The following RP1 variants were observed in gnomAD, a reference collection of about 807,000 sequenced individuals.
The protein encoded by RP1 is RP1 axonemal microtubule associated.
A neutral mutation model predicts 14.8 loss-of-function variants in RP1; 16 were observed. The observed-to-expected ratio is 1.08, with a 90% CI of 0.73 to 1.65. The LOEUF (loss-of-function observed/expected upper bound fraction) is 1.65, where lower values mean the gene tolerates loss of function less well. Among genes scored for constraint, RP1 ranks in the 40% most tolerant of loss-of-function variants. RP1 has a pLI of 0.00. For missense variants in RP1, 2,631 were observed against 2,535.0 expected, an observed-to-expected ratio of 1.04 and a Z score of -0.81; for synonymous variants, 876 against 883.6, an observed-to-expected ratio of 0.99 and a Z score of 0.15.
At chr8:54,843,687 G>T (rs1456189791) in intron 25 of RP1, among the ~76,000 whole-genome samples, 4 of 152,146 alleles carry the variant, frequency 2.6e-5, no homozygotes, top group African/African-American at 7.2e-5. Context: ...CAGCCTAGGG[G>T]TTTATCTTCG....
At chr8:54,853,780 AAGAGAAAGAAAGAGAG>A (rs1163865398) in intron 26 of RP1, among the ~76,000 whole-genome samples, 9 of 76,116 alleles carry the variant, frequency 1.2e-4, no homozygotes, top group African/African-American at 6.5e-4. Context: ...GAAAGGAAGG[AAGAGAAAGAAAGAGAG>A]AGAGAAAGAA....
intron 27 of RP1, among the ~76,000 whole-genome samples, chr8:54,861,604 T>C (rs765568682): frequency 2.4e-4 from 36 of 152,322 alleles, no homozygotes; most frequent in Non-Finnish European, 3.8e-4. Flanking sequence ...TTTTTTTCTT[T>C]TCTTTTCTTT....
At chr8:54,563,522 A>ATT (rs1335674154) in intron 1 of RP1, among the ~76,000 whole-genome samples, 2 of 60,380 alleles carry the variant, frequency 3.3e-5, no homozygotes, top group African/African-American at 9.0e-5. Flanking sequence ...TATTATTACT[A>ATT]TTTGTGTGTG....
chr8:54,572,555 T>C (rs1446425968), intron 1 of RP1, among the ~76,000 whole-genome samples: 1 of 152,244 alleles, frequency 6.6e-6, no homozygotes, highest in East Asian at 1.9e-4. Context: ...TATGTGGTTC[T>C]TTTCGTGTTG....
intron 28 of RP1, among the ~76,000 whole-genome samples, chr8:54,869,244 C>A (rs1366803279): frequency 6.6e-6 from 1 of 152,146 alleles, no homozygotes; most frequent in Non-Finnish European, 1.5e-5. Context: ...GAGCCACAAG[C>A]CACATATGTC....
intron 14 of RP1, among the ~76,000 whole-genome samples, chr8:54,704,343 T>C (rs886790938): frequency 5.9e-5 from 9 of 152,132 alleles, no homozygotes; most frequent in African/African-American, 2.2e-4. Flanking sequence ...GAGAGAGAGA[T>C]AGGGGAATGA....
intron 24 of RP1, among the ~76,000 whole-genome samples, chr8:54,801,220 G>T (rs1291081630): frequency 6.6e-6 from 1 of 152,076 alleles, no homozygotes; most frequent in Non-Finnish European, 1.5e-5. Flanking sequence ...GGCTCTTCTG[G>T]TTTGTCTGTT....
intron 26 of RP1, among the ~76,000 whole-genome samples, chr8:54,853,004 A>G (rs1273897803): frequency 1.3e-5 from 2 of 152,246 alleles, no homozygotes; most frequent in African/African-American, 4.8e-5. Context: ...ACATTTGATA[A>G]AACATCTTTT....
downstream of RP1, among the ~76,000 whole-genome samples, chr8:54,774,253 G>T (rs937517345): frequency 4.6e-5 from 7 of 152,254 alleles, no homozygotes; most frequent in Admixed American, 4.6e-4. Context: ...AAGACACACC[G>T]TGGCACCGGG....
intron 24 of RP1, among the ~76,000 whole-genome samples, chr8:54,831,401 C>CTTTTTTTTTTT (rs368455444): frequency 1.9e-4 from 19 of 102,638 alleles, no homozygotes; most frequent in East Asian, 5.9e-4. Flanking sequence ...CCTATTGTTT[C>CTTTTTTTTTTT]TTTTTTTTTT....
chr8:54,627,157 A>G lies in RP1; in HGVS notation c.3275A>G (p.Gln1092Arg). ...LLPVLMLHQL[Q>R]ASVPGIHKTQ... ...CCAGTCCTGATGCTTCACCAATTGC[A>G]AGCTTCAGTTCCTGGTATTCACAAG... The change falls in exon 4 of 4, where the codon CAA becomes CGA. Residue 1092 changes from glutamine to arginine, a missense_variant. Coordinates refer to ENST00000220676, the MANE Select transcript of RP1 (RefSeq NM_006269.2). 1 of 1,614,070 alleles carries G rather than the reference A, an allele frequency of 6.2e-7. No individual in the cohort carries two copies. Among genetic ancestry groups the G allele is most frequent in the Non-Finnish European group, 8.5e-7 (1 of 1,179,996 alleles).
chr8:54,626,267 C>T lies in RP1; in HGVS notation c.2385C>T (p.Ile795=), dbSNP rs184739468. 2.5e-4 allele frequency: 409 copies of T among 1,613,080 alleles called. No individual in the cohort carries two copies. In the African/African-American group the frequency reaches 3.0e-3, roughly 12 times the overall value. Residue 795 remains isoleucine, a synonymous_variant, in exon 4 of 4, where the codon ATC becomes ATT. Transcript: ENST00000220676. The part of the protein sequence containing the change: ...ISLGAPKKRE[I]GQRDKVFPHN... ...TAGGAGCACCTAAAAAAAGAGAAAT[C>T]GGTCAAAGAGATAAAGTGTTTCCTC... is the stretch of plus-strand genomic sequence containing the variant.
Position 54,629,419 on chromosome 8 carries a change from G to T in RP1, c.5537G>T (p.Arg1846Ile). 2 of 1,614,134 alleles carry T rather than the reference G, an allele frequency of 1.2e-6. No homozygotes were observed. Among genetic ancestry groups the T allele is most frequent in the Non-Finnish European group, 1.7e-6 (2 of 1,180,006 alleles). ...CGCAATGAAACCTGTGCCAAGGAAA[G>T]AATAGCAAATCATCATACAGAGGAG... is the stretch of plus-strand genomic sequence containing the variant. ...DVRNETCAKERIANHHTEEKG... is the reference protein window; with the variant it reads ...DVRNETCAKEIIANHHTEEKG... The change falls in exon 4 of 4, where the codon AGA becomes ATA. Residue 1846 changes from arginine (R) to isoleucine (I), a missense_variant. Transcript: ENST00000220676.
chr8:54,804,233 C>T (rs568302089), intron 24 of RP1, among the ~76,000 whole-genome samples: 1 of 151,952 alleles, frequency 6.6e-6, no homozygotes, highest in South Asian at 2.1e-4. Flanking sequence ...AACATATAAA[C>T]ATTTTATATA....
At chr8:54,693,065 T>G (rs1243578570) in intron 12 of RP1, among the ~76,000 whole-genome samples, 1 of 152,326 alleles carries the variant, frequency 6.6e-6, no homozygotes, top group East Asian at 1.9e-4. Context: ...CACCATTTAT[T>G]AAATAGGGAA....
intron 1 of RP1, among the ~76,000 whole-genome samples, chr8:54,606,803 A>G (rs1292955839): frequency 6.6e-6 from 1 of 151,984 alleles, no homozygotes; most frequent in East Asian, 1.9e-4. Context: ...TTGATCTTCC[A>G]CCACTGATAC....
intron 12 of RP1, chr8:54,696,720 C>G: frequency 1.4e-6 from 1 of 722,022 alleles, no homozygotes; most frequent in Non-Finnish European, 2.5e-6. Context: ...AGAACCACTT[C>G]AAGACTTCGC....
intron 12 of RP1, among the ~76,000 whole-genome samples, chr8:54,686,071 A>G (rs1286164675): frequency 6.6e-6 from 1 of 152,232 alleles, no homozygotes; most frequent in Non-Finnish European, 1.5e-5. Flanking sequence ...TGTTTCTAGC[A>G]TCTTAATATG....
chr8:54,702,538 T>G (rs1808049274), intron 14 of RP1, among the ~76,000 whole-genome samples: 1 of 152,196 alleles, frequency 6.6e-6, no homozygotes, highest in South Asian at 2.1e-4. Flanking sequence ...CAGCAAGTTG[T>G]AATCTTTTTG....
Sources: gnomAD v4.1 joint callset for allele counts (sites outside exome capture counted in the v4.1 genomes callset) on GRCh38, gnomAD v4.1.1 for gene constraint, MANE v1.5 for transcripts, NCBI Gene and HGNC (gene_info 2026-07-23, HGNC 2026-07-21) for gene names.